VPS35: variants seen among roughly 807,000 people sequenced by gnomAD.
VPS35 encodes the protein VPS35 retromer complex component.
Under a neutral mutation model 98.1 loss-of-function variants are expected in VPS35, and 21 were observed. The ratio of observed to expected loss-of-function variants is 0.21; its 90% CI spans 0.15 to 0.31. The LOEUF (loss-of-function observed/expected upper bound fraction) is 0.31, where lower values mean the gene tolerates loss of function less well. Among genes scored for constraint, VPS35 ranks in the 10% least tolerant of loss-of-function variants. VPS35 has a pLI of 1.00. For missense variants in VPS35, 554 were observed against 950.8 expected (o/e 0.58, Z 5.49); for synonymous variants, 268 against 318.2 (o/e 0.84, Z 1.68).
At chr16:46,689,090 A>G (rs778111576) in intron 1 of VPS35, 41 bp downstream of exon 1, 4 of 1,602,810 alleles carry the variant, frequency 2.5e-6, no homozygotes, top group African/African-American at 1.3e-5. Context: ...AGGGGCTACA[A>G]GGAGGGTCGA....
In VPS35 at chr16:46,656,519, T is replaced by G. The variant is rs1381549215; in HGVS notation, c.*3953A>C. 6.6e-6 allele frequency: 1 copy of G among 152,258 alleles called. No homozygotes were observed. The highest frequency in any genetic ancestry group is 1.5e-5 in the Non-Finnish European group (1 of 68,040). 9.4% of individuals were successfully genotyped at this position (152,258 alleles called of 1,614,324 possible). A position where few individuals can be genotyped will look rare whatever the true frequency, so the allele number is the denominator to read the frequency against. On this transcript the variant is annotated 3_prime_UTR_variant, in exon 17 of 17. Coordinates refer to ENST00000299138, the MANE Select transcript of VPS35 (RefSeq NM_018206.6). ...GTTCATTCCTGGGCATAGGTAGAAC[T>G]AACCTTGGGAAGTAATTTATAGTTT...
At chr16:46,667,223 A>G (rs1003087845) in intron 13 of VPS35, among the ~76,000 whole-genome samples, 7 of 152,212 alleles carry the variant, frequency 4.6e-5, no homozygotes, top group African/African-American at 1.7e-4. Flanking sequence ...ATGATGTTGA[A>G]CATCTGTTCA....
intron 2 of VPS35, chr16:46,683,051 G>T (rs1966257718): frequency 1.2e-5 from 2 of 167,856 alleles, no homozygotes; most frequent in Admixed American, 1.1e-4. Context: ...ATTCAGCAAA[G>T]AAATTAAAGT....
Position 46,660,411 on chromosome 16 carries a change from C to T in VPS35, c.*61G>A. 6.3e-7 allele frequency: 1 copy of T among 1,597,190 alleles called. No homozygotes were observed. Among genetic ancestry groups the T allele is most frequent in the Non-Finnish European group, 8.5e-7 (1 of 1,171,570 alleles). ...AAGGCACAATCTATGGAAGGGAAAC[C>T]TAGCGTAATAAAACCCTCACTGGAT... On this transcript the variant is annotated 3_prime_UTR_variant, in exon 17 of 17. Coordinates refer to ENST00000299138, the MANE Select transcript of VPS35 (RefSeq NM_018206.6).
chr16:46,688,620 G>A, intron 1 of VPS35: 1 of 1,004,364 alleles, frequency 1.0e-6, no homozygotes, highest in Non-Finnish European at 1.2e-6. Context: ...GCCGAAGGCG[G>A]GTATGAGGCC....
intron 12 of VPS35, among the ~76,000 whole-genome samples, chr16:46,669,642 G>T (rs1188680260): frequency 6.6e-6 from 1 of 150,756 alleles, no homozygotes; most frequent in African/African-American, 2.4e-5. Context: ...ACTCCAGCCT[G>T]GGTGACAGAG....
chr16:46,683,672 G>C (rs1966267971), intron 1 of VPS35, 66 bp from the exon 2 acceptor site: 5 of 1,438,198 alleles, frequency 3.5e-6, no homozygotes, highest in African/African-American at 2.8e-5. Context: ...TATTTCTATA[G>C]TTCTAGCCAT....
chr16:46,680,765 G>A lies in VPS35; in HGVS notation c.412C>T (p.Arg138Cys). ...DILKDLVEMC[R>C]GVQHPLRGLF... is the part of the protein sequence containing the mutation. The stretch of plus-strand genomic sequence containing the variant: ...CCCCTCAAGGGATGTTGCACACCAC[G>A]GCACATTTCTACCAAATCTTTCAAA... The change falls in exon 5 of 17, where the codon CGT becomes TGT. Residue 138 changes from arginine (R) to cysteine (C), a missense_variant. By Grantham distance (180) the Arg-to-Cys change is radical. Around this residue, in one of 5 missense-constraint regions of VPS35, gnomAD observed 77 missense variants for 222.3 expected, o/e 0.35. Coordinates refer to ENST00000299138, the MANE Select transcript of VPS35 (RefSeq NM_018206.6). 1.9e-6 allele frequency: 3 copies of A among 1,613,944 alleles called. No homozygotes were observed. Among genetic ancestry groups the A allele is most frequent in the Non-Finnish European group, 2.5e-6 (3 of 1,179,936 alleles).
Position 46,659,273 on chromosome 16 carries a change from C to T in VPS35, c.*1199G>A, listed in dbSNP as rs1965873181. 6.6e-6 allele frequency: 1 copy of T among 152,322 alleles called. No individual in the cohort carries two copies. The highest frequency in any genetic ancestry group is 1.5e-5 in the Non-Finnish European group (1 of 68,118). 9.4% of individuals were successfully genotyped at this position (152,322 alleles called of 1,614,324 possible). A position where few individuals can be genotyped will look rare whatever the true frequency, so the allele number is the denominator to read the frequency against. The stretch of plus-strand genomic sequence containing the variant: ...GTCAAAGCATCAGATGACTGCAGCC[C>T]CAACCAGTATCTTGTTTGCAACCTT... On this transcript the variant is annotated 3_prime_UTR_variant, in exon 17 of 17. Transcript: ENST00000299138.
chr16:46,669,065 C>T lies in VPS35; in HGVS notation c.1525-13G>A. The T allele has an allele frequency of 6.2e-7, 1 of 1,613,296 alleles. No individual in the cohort carries two copies. The highest frequency in any genetic ancestry group is 8.5e-7 in the Non-Finnish European group (1 of 1,179,674). On this transcript the variant is annotated splice_polypyrimidine_tract_variant and intron_variant, in intron 12 of 16. Transcript: ENST00000299138. ...CTGTGTTCAAAATCTGACCCAAAAG[C>T]ATTAAAGAAAAAAAAATTTCCAAAC...
rs695997 is a variant in VPS35, at chr16:46,683,400, A to G, written c.102+108T>C. The G allele has an allele frequency of 1, 1,024,292 of 1,027,994 alleles. 510,363 individuals are homozygous for G. Among genetic ancestry groups the G allele is most frequent in the East Asian group, 1 (39,188 of 39,188 alleles). The allele number at this position is 1,027,994 out of a possible 1,614,324, so 63.7% of individuals were successfully genotyped here. On this transcript the variant is annotated intron_variant, in intron 2 of 16. Coordinates refer to ENST00000299138, the MANE Select transcript of VPS35 (RefSeq NM_018206.6). ...ATGAGACTGAAGATAGATGCTGGTA[A>G]ACGGTGAAGATTAGATTTACCAGAA...
In VPS35 at chr16:46,689,125, A is replaced by T; in HGVS notation, c.3+6T>A. On this transcript the variant is annotated splice_donor_region_variant and intron_variant, in intron 1 of 16. Transcript: ENST00000299138. Reference sequence around the variant, plus strand: ...ACCCAGGTGCCACTGCCCCCTCAGCACTCACCATGGCGACTCCCCAGAGCC... The same window carrying T: ...ACCCAGGTGCCACTGCCCCCTCAGCTCTCACCATGGCGACTCCCCAGAGCC... The T allele has an allele frequency of 6.2e-7, 1 of 1,608,452 alleles. No individual in the cohort carries two copies. The highest frequency in any genetic ancestry group is 1.1e-5 in the South Asian group (1 of 89,992).
At chr16:46,666,802 CATATACACACATATATACGT>C (rs1179482057) in intron 13 of VPS35, among the ~76,000 whole-genome samples, 1 of 152,200 alleles carries the variant, frequency 6.6e-6, no homozygotes, top group Non-Finnish European at 1.5e-5. Context: ...TGCGTACATA[CATATACACACATATATACGT>C]ATATACACAC....
At chr16:46,667,447 GA>G (rs1966006574) in intron 13 of VPS35, among the ~76,000 whole-genome samples, 1 of 152,066 alleles carries the variant, frequency 6.6e-6, no homozygotes, top group African/African-American at 2.4e-5. Context: ...TTGTTGTACA[GA>G]AGGTTTTTAG....
intron 7 of VPS35, 135 bp from the exon 8 acceptor site, chr16:46,676,827 C>T (rs1313912809): frequency 5.6e-6 from 4 of 709,934 alleles, no homozygotes; most frequent in Non-Finnish European, 1.0e-5. Context: ...ACTTTTGAAC[C>T]TCTCTACTAA....
chr16:46,677,581 G>A, intron 6 of VPS35, 183 bp from the exon 7 acceptor site: 1 of 591,800 alleles, frequency 1.7e-6, no homozygotes, highest in East Asian at 3.0e-5. Flanking sequence ...GGTTGCCCAG[G>A]CTGGAGTGAA....
At position 46,669,072 on chromosome 16, in the gene VPS35, G is replaced by C. The variant is rs1567264528; in HGVS notation, c.1525-20C>G. 3 of 1,610,898 alleles carry C rather than the reference G, an allele frequency of 1.9e-6. No individual in the cohort carries two copies. The highest frequency in any genetic ancestry group is 8.5e-7 in the Non-Finnish European group (1 of 1,178,302). The stretch of plus-strand genomic sequence containing the variant: ...CAAAATCTGACCCAAAAGCATTAAA[G>C]AAAAAAAAATTTCCAAACTCTGATT... On this transcript the variant is annotated intron_variant, in intron 12 of 16. Coordinates refer to ENST00000299138, the MANE Select transcript of VPS35 (RefSeq NM_018206.6).
chr16:46,686,260 T>C (rs955963305), intron 1 of VPS35, among the ~76,000 whole-genome samples: 1 of 152,156 alleles, frequency 6.6e-6, no homozygotes, highest in Non-Finnish European at 1.5e-5. Flanking sequence ...TCTATATATA[T>C]ACACACACAC....
In VPS35 at chr16:46,672,485, A is replaced by T. The variant is rs1966084356; in HGVS notation, c.1161-13T>A. 6.2e-7 allele frequency: 1 copy of T among 1,606,692 alleles called. No individual in the cohort carries two copies. Among genetic ancestry groups the T allele is most frequent in the African/African-American group, 1.3e-5 (1 of 74,864 alleles). ...ACTGGTAGCAATACTACAAAAAGAA[A>T]AACAGAAGTCTTAATGAATAAAATT... On this transcript the variant is annotated splice_polypyrimidine_tract_variant and intron_variant, in intron 10 of 16. Transcript: ENST00000299138.
Sources: allele counts gnomAD v4.1 joint callset (sites outside exome capture counted in the v4.1 genomes callset), GRCh38; gene constraint gnomAD v4.1.1; regional missense constraint gnomAD v4.1.1; transcripts MANE v1.5; gene names NCBI Gene and HGNC (gene_info 2026-07-23, HGNC 2026-07-21).